Variants in DNAJC1 observed in about 807,000 individuals in gnomAD.
DNAJC1 encodes the protein dnaJ homolog subfamily C member 1.
DNAJC1 carries 58 observed loss-of-function variants against 76.6 expected under a neutral mutation model. The ratio of observed to expected loss-of-function variants is 0.76; its 90% CI spans 0.61 to 0.94. The LOEUF is 0.94. DNAJC1 is among the 40% of genes least tolerant of loss of function. DNAJC1 has a pLI of 0.00. For synonymous variants in DNAJC1, 258 were observed against 267.9 expected, an observed-to-expected ratio of 0.96 and a Z score of 0.36; for missense variants, 689 against 677.3, an observed-to-expected ratio of 1.02 and a Z score of -0.19.
At chr10:21,828,259 G>A (rs1589998949) in intron 8 of DNAJC1, among the ~76,000 whole-genome samples, 1 of 152,176 alleles carries the variant, frequency 6.6e-6, no homozygotes, top group East Asian at 1.9e-4. Flanking sequence ...TATATCCCAT[G>A]TGCCCAGCTA....
chr10:21,832,715 ATCT>A (rs1257417077), intron 8 of DNAJC1, among the ~76,000 whole-genome samples: 10 of 152,270 alleles, frequency 6.6e-5, no homozygotes, highest in Middle Eastern at 3.4e-3. Context: ...TATTGCAAAA[ATCT>A]TCTAATGGGT....
At chr10:21,780,225 A>G (rs1417372755) in intron 9 of DNAJC1, among the ~76,000 whole-genome samples, 1 of 152,192 alleles carries the variant, frequency 6.6e-6, no homozygotes, top group African/African-American at 2.4e-5. Context: ...CCAACATTCA[A>G]ATTCAGGAAA....
At chr10:21,898,004 A>G (rs1590038836) in intron 7 of DNAJC1, among the ~76,000 whole-genome samples, 2 of 152,218 alleles carry the variant, frequency 1.3e-5, no homozygotes, top group Admixed American at 6.5e-5. Context: ...CTTAGCACTA[A>G]TAAGTAAATT....
intron 1 of DNAJC1, among the ~76,000 whole-genome samples, chr10:21,975,937 G>A (rs759488877): frequency 2.0e-5 from 3 of 152,058 alleles, no homozygotes; most frequent in Non-Finnish European, 2.9e-5. Context: ...TTCACCTCAA[G>A]TTTCTTCTAG....
chr10:21,858,703 A>C (rs1835878228), intron 8 of DNAJC1, among the ~76,000 whole-genome samples: 1 of 152,226 alleles, frequency 6.6e-6, no homozygotes, highest in Non-Finnish European at 1.5e-5. Context: ...CTAGGGAGAG[A>C]GATAACGAGA....
At chr10:21,805,781 A>G (rs1014846964) in intron 9 of DNAJC1, among the ~76,000 whole-genome samples, 199 bp downstream of exon 9, 1 of 152,154 alleles carries the variant, frequency 6.6e-6, no homozygotes, top group Non-Finnish European at 1.5e-5. Context: ...AGAATTCCTC[A>G]CACAGCTGTT....
At chr10:21,802,885 T>C (rs1221114868) in intron 9 of DNAJC1, among the ~76,000 whole-genome samples, 2 of 152,170 alleles carry the variant, frequency 1.3e-5, no homozygotes, top group Non-Finnish European at 2.9e-5. Context: ...TTTTTACAAT[T>C]TGAGTGTCCT....
intron 8 of DNAJC1, among the ~76,000 whole-genome samples, chr10:21,827,518 T>C (rs1835282069): frequency 6.6e-6 from 1 of 152,204 alleles, no homozygotes; most frequent in South Asian, 2.1e-4. Flanking sequence ...TAGTTCCTTT[T>C]GGAGGCTCTG....
At chr10:21,770,625 C>G (rs1293752910) in intron 9 of DNAJC1, among the ~76,000 whole-genome samples, 1 of 152,124 alleles carries the variant, frequency 6.6e-6, no homozygotes, top group Non-Finnish European at 1.5e-5. Flanking sequence ...TCTCAAACTC[C>G]TGACCTGAGG....
intron 8 of DNAJC1, among the ~76,000 whole-genome samples, chr10:21,825,551 C>T (rs926288110): frequency 9.9e-5 from 15 of 152,222 alleles, no homozygotes; most frequent in Admixed American, 2.6e-4. Context: ...CACCTATGAG[C>T]GGAATTGCTG....
At chr10:21,833,198 G>A (rs1427760945) in intron 8 of DNAJC1, among the ~76,000 whole-genome samples, 5 of 152,132 alleles carry the variant, frequency 3.3e-5, no homozygotes, top group African/African-American at 7.2e-5. Context: ...CTGGCTGGGC[G>A]CAGTGGCTCA....
Position 21,878,618 on chromosome 10 carries a change from A to C in DNAJC1, c.978+3664T>G, listed in dbSNP as rs1386416455. 4.6e-5 allele frequency among the ~76,000 whole-genome samples: 7 copies of C among 152,282 alleles called. No homozygotes were observed. In the East Asian group the frequency reaches 1.2e-3, roughly 25 times the overall value. On this transcript the variant is annotated intron_variant, in intron 8 of 11. Coordinates refer to ENST00000376980, the MANE Select transcript of DNAJC1 (RefSeq NM_022365.4). ...TGCATGACATACCTAACTTTTTCTT[A>C]ATTTTTTCAGTATTTCTAGGCTACA... is the stretch of plus-strand genomic sequence containing the variant.
intron 1 of DNAJC1, among the ~76,000 whole-genome samples, chr10:21,933,695 A>G (rs1404114559): frequency 6.6e-6 from 1 of 152,218 alleles, no homozygotes; most frequent in Admixed American, 6.5e-5. Flanking sequence ...CATACACCAC[A>G]TAACAATGTT....
At chr10:21,881,383 A>G (rs937498284) in intron 8 of DNAJC1, among the ~76,000 whole-genome samples, 5 of 152,194 alleles carry the variant, frequency 3.3e-5, no homozygotes, top group African/African-American at 9.6e-5. Flanking sequence ...CTTTTGGCCT[A>G]TCTTGGCTTT....
intron 1 of DNAJC1, among the ~76,000 whole-genome samples, chr10:21,965,887 A>G (rs1372419954): frequency 6.6e-6 from 1 of 152,174 alleles, no homozygotes; most frequent in Non-Finnish European, 1.5e-5. Context: ...TTTCTTGCAC[A>G]AGATCCAAGA....
intron 8 of DNAJC1, among the ~76,000 whole-genome samples, chr10:21,829,215 G>T (rs975009468): frequency 2.7e-5 from 4 of 149,376 alleles, no homozygotes; most frequent in African/African-American, 4.9e-5. Flanking sequence ...GTTGTTGTTC[G>T]TTTTTGTTTT....
chr10:21,820,870 T>C (rs755285653), intron 8 of DNAJC1, among the ~76,000 whole-genome samples: 3 of 152,084 alleles, frequency 2.0e-5, no homozygotes, highest in Non-Finnish European at 4.4e-5. Context: ...GAGGGATGGG[T>C]GAAGGGGTGC....
At chr10:21,829,032 T>G (rs1385482024) in intron 8 of DNAJC1, among the ~76,000 whole-genome samples, 1 of 152,068 alleles carries the variant, frequency 6.6e-6, no homozygotes, top group Non-Finnish European at 1.5e-5. Flanking sequence ...TTCCATCCCT[T>G]TACTTTCTTT....
At chr10:21,980,102 GCTA>G (rs1838129321) in intron 1 of DNAJC1, among the ~76,000 whole-genome samples, 1 of 151,872 alleles carries the variant, frequency 6.6e-6, no homozygotes. Context: ...TATATTATTA[GCTA>G]CAAATATCTA....
Sources: allele counts gnomAD v4.1 joint callset (sites outside exome capture counted in the v4.1 genomes callset), GRCh38; gene constraint gnomAD v4.1.1; transcripts MANE v1.5; gene names NCBI Gene and HGNC (gene_info 2026-07-23, HGNC 2026-07-21).